Variants in TBC1D9B observed in about 807,000 individuals in gnomAD.
TBC1D9B encodes the protein TBC1 domain family member 9B, also known as TBC1 domain family, member 9B (with GRAM domain).
Under a neutral mutation model 121.1 loss-of-function variants are expected in TBC1D9B, and 87 were observed. The observed-to-expected ratio is 0.72, with a 90% CI of 0.60 to 0.86. The LOEUF is 0.86. Ranked by LOEUF, TBC1D9B falls within the 40% of genes least tolerant of loss-of-function variation. The probability of loss-of-function intolerance (pLI) is 0.00; values close to 1 mark genes in which losing one functional copy is unlikely to be tolerated. For missense variants in TBC1D9B, 1,540 were observed against 1,628.6 expected, an observed-to-expected ratio of 0.95 and a Z score of 0.94; for synonymous variants, 668 against 670.1, an observed-to-expected ratio of 1.00 and a Z score of 0.05.
Position 179,891,509 on chromosome 5 carries a change from T to C in TBC1D9B, c.914A>G (p.His305Arg). 1 of 1,614,100 alleles carries C rather than the reference T, an allele frequency of 6.2e-7. No homozygotes were observed. Among genetic ancestry groups the C allele is most frequent in the Non-Finnish European group, 8.5e-7 (1 of 1,180,016 alleles). ...CGGCGTCCACAGGGTGCAGCTTGTGTGGCCGTCTAGCCGCTCATCCCTGGG... is the reference window on the plus strand; with the variant it reads ...CGGCGTCCACAGGGTGCAGCTTGTGCGGCCGTCTAGCCGCTCATCCCTGGG... ...RLPRDERLDG[H>R]TSCTLWTPFN... The change falls in exon 6 of 21, where the codon CAC (histidine) becomes CGC (arginine). Residue 305 changes from histidine to arginine, a missense_variant. His to Arg is a conservative substitution (Grantham distance 29). Coordinates refer to ENST00000355235, the MANE Select transcript of TBC1D9B (RefSeq NM_015043.4). This position sits in a 1 kb window ranked among gnomAD's most constrained non-coding sequence, Gnocchi z 4.3.
In TBC1D9B at chr5:179,904,556, G is replaced by T. The variant is rs555494847; in HGVS notation, c.229+146C>A. The T allele has an allele frequency of 5.5e-6, 4 of 728,582 alleles. No homozygotes were observed. Among genetic ancestry groups the T allele is most frequent in the South Asian group, 1.8e-5 (1 of 57,040 alleles). The allele number at this position is 728,582 out of a possible 1,614,324, so 45.1% of individuals were successfully genotyped here. A position where few individuals can be genotyped will look rare whatever the true frequency, so the allele number is the denominator to read the frequency against. On this transcript the variant is annotated intron_variant, in intron 2 of 20. Transcript: ENST00000355235. The surrounding 1 kb of genome is among the most constrained non-coding windows in gnomAD (Gnocchi z 4.2). ...CTGCCTTTCTAAGATGGAAGCGAAG[G>T]CTCCTCCACTTCCCTCTTGCAGCCT...
At chr5:179,901,208 C>T (rs754490726) in intron 2 of TBC1D9B, among the ~76,000 whole-genome samples, 1 of 152,242 alleles carries the variant, frequency 6.6e-6, no homozygotes, top group Non-Finnish European at 1.5e-5. Context: ...TCCTGGAAGC[C>T]CCTTAAGTCA....
Position 179,904,805 on chromosome 5 carries a change from G to C in TBC1D9B, c.126C>G (p.Leu42=). ...HGRGGGLTGL[L]VGTLDVVLDS... ...CCAGCACCACGTCCAGGGTGCCCAC[G>C]AGAAGACCTGGGAACAGGGCAGAGA... is the stretch of plus-strand genomic sequence containing the variant. Residue 42 remains leucine, a synonymous_variant, in exon 2 of 21, where the codon CTC becomes CTG. Transcript: ENST00000355235. This position sits in a 1 kb window ranked among gnomAD's most constrained non-coding sequence, Gnocchi z 4.2. 1 of 1,560,450 alleles carries C rather than the reference G, an allele frequency of 6.4e-7. No homozygotes were observed. Among genetic ancestry groups the C allele is most frequent in the Non-Finnish European group, 8.7e-7 (1 of 1,152,144 alleles).
chr5:179,896,969 T>C (rs1331883961), intron 3 of TBC1D9B, among the ~76,000 whole-genome samples: 2 of 151,712 alleles, frequency 1.3e-5, no homozygotes, highest in Non-Finnish European at 2.9e-5. Context: ...GGCAGTGGCA[T>C]GATCTCGGCT....
rs1395383505 is a variant in TBC1D9B at position 179,872,878 on chromosome 5, G to GCTGGCAC, written c.2415+7_2415+13dup. 1 of 1,588,152 alleles carries GCTGGCAC rather than the reference G, an allele frequency of 6.3e-7. No homozygotes were observed. The highest frequency in any genetic ancestry group is 1.4e-5 in the African/African-American group (1 of 72,118). ...CCCAGCCCAGCCCCTGCCCAGCCCTGCTGGCACCCATACCACACTCCTCTT... is the reference window on the plus strand; with the variant it reads ...CCCAGCCCAGCCCCTGCCCAGCCCTGCTGGCACCTGGCACCCATACCACACTCCTCTT... On this transcript the variant is annotated intron_variant, in intron 14 of 20. Transcript: ENST00000355235.
chr5:179,872,676 G>A (rs567121057), intron 14 of TBC1D9B: 11 of 570,964 alleles, frequency 1.9e-5, no homozygotes, highest in South Asian at 1.1e-4. Flanking sequence ...GAAGCTTCCC[G>A]GTGACACATC....
In TBC1D9B at chr5:179,871,384, A is replaced by G. The variant is rs1760194052; in HGVS notation, c.2484+78T>C. 5 of 1,395,018 alleles carry G rather than the reference A, an allele frequency of 3.6e-6. No individual in the cohort carries two copies. The East Asian group carries it at 1.2e-4, about 33-fold the overall frequency. The allele number at this position is 1,395,018 out of a possible 1,614,324, so 86.4% of individuals were successfully genotyped here. On this transcript the variant is annotated intron_variant, in intron 15 of 20. Coordinates refer to ENST00000355235, the MANE Select transcript of TBC1D9B (RefSeq NM_015043.4). Reference sequence around the variant, plus strand: ...CCTATTTCTATCTACTTCTAAGAGGATACTCTTAGATCCATTTCTTTTCTG... The same window carrying G: ...CCTATTTCTATCTACTTCTAAGAGGGTACTCTTAGATCCATTTCTTTTCTG...
chr5:179,864,176 C>A, intron 20 of TBC1D9B, 48 bp from the exon 21 acceptor site: 2 of 1,519,484 alleles, frequency 1.3e-6, no homozygotes, highest in South Asian at 1.3e-5. Flanking sequence ...AAAGACCAGT[C>A]AGACGGGGTC....
At position 179,864,826 on chromosome 5, in the gene TBC1D9B, T is replaced by C. The variant is rs531157632; in HGVS notation, c.3021+428A>G. On this transcript the variant is annotated intron_variant, in intron 20 of 20. Transcript: ENST00000355235. ...TGGCTCAACGCTTGCAGTTTGGAGC[T>C]GGGGTCTCCCATTTTCTGGCTTTGA... Among the ~76,000 whole-genome samples, 14 of 152,356 alleles carry C rather than the reference T, an allele frequency of 9.2e-5. 1 individual carries two copies. In the South Asian group the frequency reaches 2.9e-3, roughly 32 times the overall value.
chr5:179,864,113 G>A lies in TBC1D9B; in HGVS notation c.3037C>T (p.Leu1013=). Residue 1013 remains leucine (L), a synonymous_variant, in exon 21 of 21, where the codon CTG becomes TTG. Coordinates refer to ENST00000355235, the MANE Select transcript of TBC1D9B (RefSeq NM_015043.4). ...AACATGTTGTAAAGCGTCTTGCACA[G>A]CTCAATGAACTGCTCCTTTTAGGGA... ...PKMNQEQFIE[L]CKTLYNMFSE... is the part of the protein sequence containing the mutation. The A allele has an allele frequency of 5.0e-6, 8 of 1,603,292 alleles. No individual in the cohort carries two copies. Among genetic ancestry groups the A allele is most frequent in the Non-Finnish European group, 6.8e-6 (8 of 1,172,766 alleles).
At chr5:179,886,034 C>A (rs1760674645) in intron 7 of TBC1D9B, among the ~76,000 whole-genome samples, 1 of 152,198 alleles carries the variant, frequency 6.6e-6, no homozygotes, top group South Asian at 2.1e-4. Context: ...ACACCCTGCC[C>A]CAGACAGGCT....
In TBC1D9B at chr5:179,866,179, G is replaced by C. The variant is rs185907109; in HGVS notation, c.2864-291C>G. The stretch of plus-strand genomic sequence containing the variant: ...CAAGTCTCAACATGCTGGTTTTGAC[G>C]TGAACAATGATGAGGGCTATAGACC... On this transcript the variant is annotated intron_variant, in intron 18 of 20. Transcript: ENST00000355235. 55 of 386,622 alleles carry C rather than the reference G, an allele frequency of 1.4e-4. No homozygotes were observed. The East Asian group carries it at 3.1e-3, about 21-fold the overall frequency. The allele number at this position is 386,622 out of a possible 1,614,324, so 23.9% of individuals were successfully genotyped here.
Position 179,879,647 on chromosome 5 carries a change from T to C in TBC1D9B, c.1397A>G (p.Glu466Gly). The C allele has an allele frequency of 6.2e-7, 1 of 1,614,026 alleles. No homozygotes were observed. Among genetic ancestry groups the C allele is most frequent in the Non-Finnish European group, 8.5e-7 (1 of 1,179,948 alleles). ...GCTCACCCCCTTGGCTCCAAGGTCCTCCATGGGCGAGTTTTTCTGGAAGAG... is the reference window on the plus strand; with the variant it reads ...GCTCACCCCCTTGGCTCCAAGGTCCCCCATGGGCGAGTTTTTCTGGAAGAG... ...LKLFQKNSPM[E>G]DLGAKGAKEK... The change falls in exon 8 of 21, where the codon GAG becomes GGG. Residue 466 changes from glutamate (E) to glycine (G), a missense_variant. By Grantham distance (98) the Glu-to-Gly change is moderately conservative. Coordinates refer to ENST00000355235, the MANE Select transcript of TBC1D9B (RefSeq NM_015043.4).
chr5:179,907,891 G>T lies in TBC1D9B; in HGVS notation c.-70C>A, dbSNP rs941133940. 19 of 871,638 alleles carry T rather than the reference G, an allele frequency of 2.2e-5. No individual in the cohort carries two copies. The highest frequency in any genetic ancestry group is 1.3e-4 in the Admixed American group (2 of 15,528). The allele number at this position is 871,638 out of a possible 1,614,324, so 54.0% of individuals were successfully genotyped here. Reference sequence around the variant, plus strand: ...CCCGCCGCCGTCGGCGTCCCGGAGCGGAGCGTGCGGAGCGGAGCGTGCGGA... The same window carrying T: ...CCCGCCGCCGTCGGCGTCCCGGAGCTGAGCGTGCGGAGCGGAGCGTGCGGA... On this transcript the variant is annotated 5_prime_UTR_variant, in exon 1 of 21. Transcript: ENST00000355235. This position sits in a 1 kb window ranked among gnomAD's most constrained non-coding sequence, Gnocchi z 5.3.
At chr5:179,898,308 C>G (rs1055984232) in intron 3 of TBC1D9B, among the ~76,000 whole-genome samples, 2 of 152,014 alleles carry the variant, frequency 1.3e-5, no homozygotes, top group African/African-American at 4.8e-5. Context: ...CCCACCACCA[C>G]GCCCGGCTAA....
At chr5:179,869,859 G>C in intron 16 of TBC1D9B, 25 bp from the exon 17 acceptor site, 1 of 1,530,196 alleles carries the variant, frequency 6.5e-7, no homozygotes, top group Non-Finnish European at 8.8e-7. Flanking sequence ...AGGGAGGGCT[G>C]GGTCTGGCAA....
rs764747184 is a variant in TBC1D9B at position 179,888,160 on chromosome 5, G to T, written c.1197C>A (p.Ser399=). The change falls in exon 7 of 21, where the codon TCC becomes TCA. Residue 399 remains serine, a synonymous_variant. Coordinates refer to ENST00000355235, the MANE Select transcript of TBC1D9B (RefSeq NM_015043.4). ...TGCTCCCGATACTGCCTGGCTGCTT[G>T]GATGGTGTTTTCTGGAGGAAGTCAG... ...RISDFLQKTP[S]KQPGSIGSRK... 34 of 1,613,664 alleles carry T rather than the reference G, an allele frequency of 2.1e-5. No homozygotes were observed. The highest frequency in any genetic ancestry group is 2.8e-5 in the Non-Finnish European group (33 of 1,179,928).
rs763579619 is a variant in TBC1D9B, at chr5:179,893,254, A to C, written c.791T>G (p.Leu264Arg). Residue 264 changes from leucine (L) to arginine (R), a missense_variant, in exon 5 of 21, where the codon CTG (leucine) becomes CGG (arginine). Physicochemically the swap from Leu to Arg is moderately radical, Grantham distance 102. Coordinates refer to ENST00000355235, the MANE Select transcript of TBC1D9B (RefSeq NM_015043.4). ...DSEGFLEDKA[L>R]PRPIRPHRNI... ...CCTGTGTGGCCGGATGGGCCTAGGC[A>C]GGGCCTTGTCCTCCAGGAAGCCCTC... 1.2e-6 allele frequency: 2 copies of C among 1,613,492 alleles called. No individual in the cohort carries two copies. The highest frequency in any genetic ancestry group is 1.7e-6 in the Non-Finnish European group (2 of 1,180,000).
chr5:179,864,220 A>T, intron 20 of TBC1D9B, 92 bp from the exon 21 acceptor site: 2 of 1,310,902 alleles, frequency 1.5e-6, no homozygotes, highest in Non-Finnish European at 2.1e-6. Flanking sequence ...GCACCAGCCT[A>T]AGGATGTTGG....
Sources: allele counts gnomAD v4.1 joint callset (sites outside exome capture counted in the v4.1 genomes callset), GRCh38; gene constraint gnomAD v4.1.1; non-coding constraint Gnocchi (gnomAD v3.1); transcripts MANE v1.5; gene names NCBI Gene and HGNC (gene_info 2026-07-23, HGNC 2026-07-21).